RFX8: variants seen among roughly 807,000 people sequenced by gnomAD.
The protein encoded by RFX8 is regulatory factor X8, also known as DNA-binding protein RFX8.
RFX8 carries 46 observed loss-of-function variants against 54.6 expected under a neutral mutation model. The observed-to-expected ratio is 0.84, with a 90% CI of 0.67 to 1.08. The LOEUF is 1.08. Ranked by LOEUF, RFX8 falls within the 50% of genes least tolerant of loss-of-function variation. RFX8 has a pLI of 0.00. For missense variants in RFX8, 536 were observed against 562.3 expected, an observed-to-expected ratio of 0.95 and a Z score of 0.47; for synonymous variants, 192 against 209.5, an observed-to-expected ratio of 0.92 and a Z score of 0.72.
intron 2 of RFX8, among the ~76,000 whole-genome samples, chr2:101,439,572 C>T (rs534080122): frequency 1.0e-4 from 15 of 146,542 alleles, no homozygotes; most frequent in Admixed American, 4.8e-4. Context: ...TTTTCATATA[C>T]ATTATGAAGA....
At position 101,466,767 on chromosome 2, in the gene RFX8, A is replaced by T. The variant is rs1318650609; in HGVS notation, c.72+10T>A. ...AGTGAATAGAGCGTTCTTAATCTTC[A>T]ACAACTTACCTTCCCAAAGGTGGCC... On this transcript the variant is annotated intron_variant, in intron 2 of 11. Coordinates refer to ENST00000428343, the MANE Select transcript of RFX8 (RefSeq NM_001145664.2). The T allele has an allele frequency of 6.5e-7, 1 of 1,545,992 alleles. No individual in the cohort carries two copies. The highest frequency in any genetic ancestry group is 2.0e-5 in the Admixed American group (1 of 50,972).
intron 6 of RFX8, among the ~76,000 whole-genome samples, chr2:101,416,886 C>T (rs1022734015): frequency 6.6e-6 from 1 of 152,146 alleles, no homozygotes; most frequent in Admixed American, 6.5e-5. Flanking sequence ...AGACTGCTGC[C>T]TGGCAGCCAG....
chr2:101,410,807 C>A, intron 8 of RFX8, 94 bp from the exon 9 acceptor site: 2 of 674,336 alleles, frequency 3.0e-6, no homozygotes, highest in East Asian at 5.5e-5. Context: ...GGAAACATCA[C>A]TGAACAATAG....
chr2:101,432,424 G>A (rs1261316089), intron 2 of RFX8, among the ~76,000 whole-genome samples: 2 of 152,144 alleles, frequency 1.3e-5, no homozygotes, highest in South Asian at 2.1e-4. Flanking sequence ...AGGCATTGCC[G>A]GGCTTTCGTC....
At chr2:101,466,341 G>A (rs958200064) in intron 2 of RFX8, among the ~76,000 whole-genome samples, 1 of 150,504 alleles carries the variant, frequency 6.6e-6, no homozygotes, top group Non-Finnish European at 1.5e-5. Flanking sequence ...TTAACCTCCA[G>A]AGATCTTTTA....
chr2:101,450,570 A>C (rs1558879564), intron 2 of RFX8: 1 of 1,231,194 alleles, frequency 8.1e-7, no homozygotes, highest in Non-Finnish European at 1.1e-6. Context: ...CCAAGACCAA[A>C]GTGCCAAAAT....
intron 2 of RFX8, among the ~76,000 whole-genome samples, chr2:101,453,090 G>A (rs576096672): frequency 6.8e-5 from 8 of 118,110 alleles, no homozygotes; most frequent in African/African-American, 3.0e-4. Flanking sequence ...CCATCCTGGT[G>A]ACAGAGCGAG....
chr2:101,469,004 G>GTATATA (rs1196328303), intron 1 of RFX8, among the ~76,000 whole-genome samples: 1 of 25,286 alleles, frequency 4.0e-5, no homozygotes, highest in African/African-American at 9.8e-5. Flanking sequence ...ATATATATAC[G>GTATATA]TATATATATA....
chr2:101,404,945 C>T (rs1685644532), intron 10 of RFX8, among the ~76,000 whole-genome samples: 1 of 152,188 alleles, frequency 6.6e-6, no homozygotes, highest in Non-Finnish European at 1.5e-5. Flanking sequence ...TTCCTTCTTG[C>T]TGTGAGAGTA....
intron 11 of RFX8, among the ~76,000 whole-genome samples, chr2:101,398,493 A>C (rs938978408): frequency 2.0e-5 from 3 of 152,098 alleles, no homozygotes; most frequent in Admixed American, 1.3e-4. Context: ...GAGCTGACAT[A>C]GTCAGTTCAA....
intron 2 of RFX8, among the ~76,000 whole-genome samples, chr2:101,440,249 C>T (rs571983085): frequency 7.9e-5 from 12 of 152,282 alleles, no homozygotes; most frequent in Non-Finnish European, 1.3e-4. Flanking sequence ...CCTGAGACTG[C>T]TCTCGTAGAA....
At chr2:101,416,939 G>A (rs1171469566) in intron 6 of RFX8, among the ~76,000 whole-genome samples, 5 of 152,194 alleles carry the variant, frequency 3.3e-5, no homozygotes, top group African/African-American at 1.2e-4. Context: ...GAGAGATGGT[G>A]CAATTCAGGT....
intron 1 of RFX8, among the ~76,000 whole-genome samples, chr2:101,469,065 T>C (rs1175091882): frequency 2.4e-4 from 6 of 24,842 alleles, no homozygotes; most frequent in African/African-American, 8.6e-4. Flanking sequence ...CGTATATATA[T>C]GTATATATAT....
intron 2 of RFX8, chr2:101,429,098 G>T: frequency 1.1e-6 from 1 of 871,872 alleles, no homozygotes; most frequent in Non-Finnish European, 1.8e-6. Flanking sequence ...TTCTTTTGCA[G>T]CAAGGTTATT....
chr2:101,435,889 T>C (rs992833851), intron 2 of RFX8, among the ~76,000 whole-genome samples: 2 of 152,206 alleles, frequency 1.3e-5, no homozygotes, highest in African/African-American at 4.8e-5. Flanking sequence ...GGTCTCTCCT[T>C]GGTGAGGACG....
At chr2:101,428,750 C>T (rs1016845315) in intron 2 of RFX8, among the ~76,000 whole-genome samples, 4 of 152,186 alleles carry the variant, frequency 2.6e-5, no homozygotes, top group Admixed American at 6.5e-5. Context: ...CCAAACAGTA[C>T]GTTCCTTAAG....
At chr2:101,443,506 A>C (rs1688210894) in intron 2 of RFX8, among the ~76,000 whole-genome samples, 1 of 152,210 alleles carries the variant, frequency 6.6e-6, no homozygotes, top group African/African-American at 2.4e-5. Context: ...TGTACAGGGA[A>C]CAAGGTGGTG....
intron 1 of RFX8, among the ~76,000 whole-genome samples, chr2:101,473,588 G>A (rs1187640282): frequency 6.6e-6 from 1 of 152,146 alleles, no homozygotes; most frequent in Admixed American, 6.5e-5. Flanking sequence ...AGAGAAAAAT[G>A]TACTCTGTTA....
At chr2:101,470,422 C>T (rs1361286459) in intron 1 of RFX8, among the ~76,000 whole-genome samples, 1 of 152,130 alleles carries the variant, frequency 6.6e-6, no homozygotes, top group East Asian at 1.9e-4. Flanking sequence ...GGCAGAACTG[C>T]CGGCAGGTGA....
Sources: gnomAD v4.1 joint callset for allele counts (sites outside exome capture counted in the v4.1 genomes callset) on GRCh38, gnomAD v4.1.1 for gene constraint, MANE v1.5 for transcripts, NCBI Gene and HGNC (gene_info 2026-07-23, HGNC 2026-07-21) for gene names.